HTT: variants seen among roughly 807,000 people sequenced by gnomAD.
The protein encoded by HTT is huntington disease protein.
A neutral mutation model predicts 362.3 loss-of-function variants in HTT; 104 were observed. The observed-to-expected ratio is 0.29, with a 90% CI of 0.24 to 0.34. HTT has a LOEUF of 0.34. Among genes scored for constraint, HTT ranks in the 10% least tolerant of loss-of-function variants. HTT has a pLI of 1.00. For synonymous variants in HTT, 1,577 were observed against 1,548.7 expected (o/e 1.02, Z -0.43); for missense variants, 3,301 against 3,928.6 (o/e 0.84, Z 4.27).
intron 45 of HTT, 36 bp downstream of exon 45, chr4:3,207,393 A>G: frequency 6.7e-7 from 1 of 1,494,388 alleles, no homozygotes; most frequent in Non-Finnish European, 9.3e-7. Flanking sequence ...TTGTGTTAGG[A>G]CAACCCAGGA....
rs1212099929 is a variant in HTT at position 3,242,305 on chromosome 4, C to G, written c.*2246C>G. ...CACCCCGCTCTGGCAGTAGGTGTCC[C>G]CCACCCCCAAAGACCTGCCTGTGTG... On this transcript the variant is annotated 3_prime_UTR_variant, in exon 67 of 67. Coordinates refer to ENST00000355072, the MANE Select transcript of HTT (RefSeq NM_001388492.1). The G allele has an allele frequency of 6.6e-6, 1 of 152,176 alleles. No individual in the cohort carries two copies. Among genetic ancestry groups the G allele is most frequent in the South Asian group, 2.1e-4 (1 of 4,820 alleles). 9.4% of individuals were successfully genotyped at this position (152,176 alleles called of 1,614,324 possible).
chr4:3,191,802 C>T (rs1299309218), intron 40 of HTT, among the ~76,000 whole-genome samples: 7 of 152,090 alleles, frequency 4.6e-5, no homozygotes, highest in East Asian at 1.9e-4. Flanking sequence ...ATCTTTATTA[C>T]GGTAGAGTTA....
At chr4:3,111,163 A>G (rs1187106620) in intron 6 of HTT, among the ~76,000 whole-genome samples, 1 of 149,412 alleles carries the variant, frequency 6.7e-6, no homozygotes, top group East Asian at 2.0e-4. Context: ...GACTACAGGT[A>G]TGCACCACCA....
chr4:3,112,928 T>C (rs1714837668), intron 6 of HTT: 1 of 454,086 alleles, frequency 2.2e-6, no homozygotes, highest in Non-Finnish European at 2.9e-6. Context: ...ATGCTTTTAC[T>C]CTTAGCCTTC....
intron 51 of HTT, among the ~76,000 whole-genome samples, chr4:3,215,649 C>T (rs1720362597): frequency 6.6e-6 from 1 of 151,820 alleles, no homozygotes; most frequent in South Asian, 2.1e-4. Flanking sequence ...ATTCAGTAAC[C>T]TCAGTGTCAG....
chr4:3,189,994 C>T lies in HTT; in HGVS notation c.5368+901C>T, dbSNP rs554430047. On this transcript the variant is annotated intron_variant, in intron 40 of 66. Transcript: ENST00000355072. ...TCATGCCACTGCACTCCAGCCTCGG[C>T]TATAGAGTAAGACCCTGCCTCAAAA... 4.6e-5 allele frequency among the ~76,000 whole-genome samples: 7 copies of T among 152,136 alleles called. No individual in the cohort carries two copies. In the East Asian group the frequency reaches 1.2e-3, roughly 25 times the overall value.
intron 25 of HTT, among the ~76,000 whole-genome samples, 161 bp downstream of exon 25, chr4:3,147,109 A>C (rs1716639617): frequency 6.6e-6 from 1 of 152,256 alleles, no homozygotes; most frequent in Non-Finnish European, 1.5e-5. Context: ...ATGCATAAAC[A>C]CATGCAGTTG....
At chr4:3,160,237 G>C (rs370702798) in intron 28 of HTT, 45 bp from the exon 29 acceptor site, 1 of 1,250,712 alleles carries the variant, frequency 8.0e-7, no homozygotes. Context: ...TTATGAGATC[G>C]TGACAGGGCC....
chr4:3,177,896 G>A (rs1032890911), intron 34 of HTT, among the ~76,000 whole-genome samples: 1 of 152,210 alleles, frequency 6.6e-6, no homozygotes, highest in African/African-American at 2.4e-5. Flanking sequence ...TAGTGCAGAA[G>A]GAAAGTGTTC....
At chr4:3,189,206 C>A in intron 40 of HTT, 113 bp downstream of exon 40, 1 of 1,071,988 alleles carries the variant, frequency 9.3e-7, no homozygotes, top group Non-Finnish European at 1.4e-6. Flanking sequence ...GCCCAGTGTG[C>A]CAGTTGAAAA....
rs201076881 is a variant in HTT, at chr4:3,238,971, G to A, written c.9208G>A (p.Ala3070Thr). The A allele has an allele frequency of 1.3e-4, 201 of 1,604,776 alleles. No homozygotes were observed. In the East Asian group the frequency reaches 1.8e-3, roughly 14 times the overall value. Reference sequence around the variant, plus strand: ...CAGCGCGTCCACCAGCCCGTGGGTCGCGGCGATGTATCCTCTCTGGGTCCC... The same window carrying A: ...CAGCGCGTCCACCAGCCCGTGGGTCACGGCGATGTATCCTCTCTGGGTCCC... ...FVSASTSPWV[A>T]AILPHVISRM... Residue 3070 changes from alanine (A) to threonine (T), a missense_variant, in exon 66 of 67, where the codon GCG becomes ACG. Physicochemically the swap from Ala to Thr is moderately conservative, Grantham distance 58 (BLOSUM62 0). Transcript: ENST00000355072.
chr4:3,143,297 C>T (rs906031913), intron 23 of HTT, among the ~76,000 whole-genome samples: 1 of 151,540 alleles, frequency 6.6e-6, no homozygotes, highest in East Asian at 2.0e-4. Flanking sequence ...ATTAGCTGGG[C>T]GTGGTGGCGG....
intron 7 of HTT, 37 bp downstream of exon 7, chr4:3,115,482 A>G (rs773201927): frequency 1.5e-5 from 23 of 1,534,170 alleles, no homozygotes; most frequent in Non-Finnish European, 2.0e-5. Context: ...AGTCTCCAGC[A>G]TGTACTCAAG....
intron 14 of HTT, among the ~76,000 whole-genome samples, chr4:3,130,864 T>C (rs553872945): frequency 2.6e-5 from 4 of 152,348 alleles, no homozygotes; most frequent in South Asian, 4.1e-4. Context: ...ATCAGAATTA[T>C]AGCCTTTGGC....
intron 1 of HTT, among the ~76,000 whole-genome samples, chr4:3,076,305 C>T (rs924984423): frequency 7.9e-5 from 12 of 152,236 alleles, no homozygotes; most frequent in African/African-American, 2.9e-4. Flanking sequence ...TCTCTTACCT[C>T]TCAGTATTCT....
At chr4:3,232,495 C>T (rs2110298981) in intron 60 of HTT, among the ~76,000 whole-genome samples, 1 of 152,296 alleles carries the variant, frequency 6.6e-6, no homozygotes, top group South Asian at 2.1e-4. Context: ...CGATATTTAA[C>T]CCTGCTAGGT....
chr4:3,239,802 C>G, intron 66 of HTT, 44 bp from the exon 67 acceptor site: 2 of 1,409,900 alleles, frequency 1.4e-6, no homozygotes, highest in Non-Finnish European at 9.8e-7. Context: ...AGGGAGGCAG[C>G]ATTCCCCTCA....
intron 6 of HTT, among the ~76,000 whole-genome samples, chr4:3,109,694 G>A (rs1245757584): frequency 1.3e-5 from 2 of 151,976 alleles, no homozygotes; most frequent in Non-Finnish European, 2.9e-5. Flanking sequence ...TTTCTTATTT[G>A]ATGAGAAAGC....
chr4:3,091,610 C>T (rs1475558791), intron 2 of HTT, among the ~76,000 whole-genome samples: 2 of 152,166 alleles, frequency 1.3e-5, no homozygotes, highest in East Asian at 1.9e-4. Flanking sequence ...GTCGACCTGT[C>T]GGCACCTTGT....
Sources: gnomAD v4.1 joint callset for allele counts (sites outside exome capture counted in the v4.1 genomes callset) on GRCh38, gnomAD v4.1.1 for gene constraint, MANE v1.5 for transcripts, NCBI Gene and HGNC (gene_info 2026-07-23, HGNC 2026-07-21) for gene names.